ITGBL1: variants seen among roughly 807,000 people sequenced by gnomAD.
ITGBL1 encodes integrin subunit beta like 1, also known as integrin beta-like protein 1.
Under a neutral mutation model 68.5 loss-of-function variants are expected in ITGBL1, and 51 were observed. The ratio of observed to expected loss-of-function variants is 0.74; its 90% confidence interval spans 0.59 to 0.94. The LOEUF is 0.94. Ranked by LOEUF, ITGBL1 falls within the 40% of genes least tolerant of loss-of-function variation. The pLI, the probability that ITGBL1 is intolerant of heterozygous loss-of-function variation, is 0.00. For synonymous variants in ITGBL1, 209 were observed against 227.3 expected (o/e 0.92, Z 0.72); for missense variants, 649 against 647.4 (o/e 1.00, Z -0.03).
In ITGBL1 at chr13:101,637,436, T is replaced by C. The variant is rs528945341; in HGVS notation, c.1015+39137T>C. Among the ~76,000 whole-genome samples the C allele has an allele frequency of 4.7e-5, 7 of 149,564 alleles. No homozygotes were observed. In the East Asian group the frequency reaches 6.0e-4, roughly 13 times the overall value. On this transcript the variant is annotated intron_variant, in intron 7 of 10. Coordinates refer to ENST00000376180, the MANE Select transcript of ITGBL1 (RefSeq NM_004791.3). ...TGGGCTCACTGCAACCACCGCCTCC[T>C]GGGTTCAAGCCATTCTCCTGCCTCA...
intron 2 of ITGBL1, among the ~76,000 whole-genome samples, chr13:101,472,636 C>T (rs2048478455): frequency 6.6e-6 from 1 of 152,094 alleles, no homozygotes; most frequent in Non-Finnish European, 1.5e-5. Context: ...AGCTCTCACA[C>T]AGGCATTGGG....
intron 2 of ITGBL1, among the ~76,000 whole-genome samples, chr13:101,484,313 T>G (rs546419104): frequency 2.8e-4 from 42 of 152,288 alleles, no homozygotes; most frequent in Admixed American, 1.7e-3. Flanking sequence ...TAATGATTTC[T>G]GGTTTCAAAT....
chr13:101,475,312 A>G (rs1298457489), intron 2 of ITGBL1, among the ~76,000 whole-genome samples: 2 of 152,202 alleles, frequency 1.3e-5, no homozygotes, highest in Non-Finnish European at 2.9e-5. Context: ...ATGCATCAGT[A>G]TCTATCAACC....
chr13:101,479,167 G>T (rs115860514), intron 2 of ITGBL1, among the ~76,000 whole-genome samples: 1 of 147,214 alleles, frequency 6.8e-6, no homozygotes, highest in Non-Finnish European at 1.5e-5. Context: ...CATCTACAGT[G>T]ACCTCATTTT....
intron 7 of ITGBL1, among the ~76,000 whole-genome samples, chr13:101,636,200 A>G (rs1175308356): frequency 6.6e-6 from 1 of 152,136 alleles, no homozygotes; most frequent in Non-Finnish European, 1.5e-5. Context: ...TCAGAATAGA[A>G]GAGTGTTTAA....
chr13:101,590,895 T>C (rs770097661), intron 6 of ITGBL1, among the ~76,000 whole-genome samples: 35 of 152,110 alleles, frequency 2.3e-4, no homozygotes, highest in Non-Finnish European at 4.3e-4. Context: ...TAAAGAAAGA[T>C]AGGAACTTCT....
chr13:101,604,887 T>TATATACACACACACAC lies in ITGBL1; in HGVS notation c.1015+6589_1015+6590insTATACACACACACACA. Among the ~76,000 whole-genome samples, 115 of 22,134 alleles carry TATATACACACACACAC rather than the reference T, an allele frequency of 5.2e-3. 2 individuals are homozygous for TATATACACACACACAC. The highest frequency in any genetic ancestry group is 0.083 in the Middle Eastern group (1 of 12). The allele number at this position is 22,134 out of a possible 152,430, so 14.5% of individuals were successfully genotyped here. ...ATATATATATATATATATATATATA[T>TATATACACACACACAC]ACACACACACACACATATATATGTG... is the stretch of plus-strand genomic sequence containing the variant. On this transcript the variant is annotated intron_variant, in intron 7 of 10. Transcript: ENST00000376180.
In ITGBL1 at chr13:101,607,366, C is replaced by A. The variant is rs185925609; in HGVS notation, c.1015+9067C>A. Among the ~76,000 whole-genome samples the A allele has an allele frequency of 1.4e-3, 219 of 152,030 alleles. 1 individual carries two copies. Among genetic ancestry groups the A allele is most frequent in the African/African-American group, 5.1e-3 (210 of 41,504 alleles). On this transcript the variant is annotated intron_variant, in intron 7 of 10. Coordinates refer to ENST00000376180, the MANE Select transcript of ITGBL1 (RefSeq NM_004791.3). ...ATAACTTACAGGTTCTTGTTACATG[C>A]CAATTTATTGGACAATATATATTAA...
At chr13:101,629,406 A>G (rs2139405008) in intron 7 of ITGBL1, among the ~76,000 whole-genome samples, 1 of 152,246 alleles carries the variant, frequency 6.6e-6, no homozygotes, top group Non-Finnish European at 1.5e-5. Flanking sequence ...TATAAAATAC[A>G]CTGCATACAG....
intron 7 of ITGBL1, among the ~76,000 whole-genome samples, chr13:101,656,779 G>A (rs764726110): frequency 5.3e-5 from 8 of 151,856 alleles, no homozygotes; most frequent in East Asian, 3.9e-4. Flanking sequence ...GTAATACATC[G>A]ATTGCAGCTC....
chr13:101,537,426 G>A (rs550445506), intron 2 of ITGBL1, among the ~76,000 whole-genome samples: 1 of 152,066 alleles, frequency 6.6e-6, no homozygotes, highest in South Asian at 2.1e-4. Context: ...ACATTTCAAA[G>A]GAAGGCTTTG....
chr13:101,698,579 A>AGACT (rs1387591411), intron 8 of ITGBL1, among the ~76,000 whole-genome samples: 1 of 152,246 alleles, frequency 6.6e-6, no homozygotes, highest in Non-Finnish European at 1.5e-5. Flanking sequence ...CAATCATCAT[A>AGACT]GACTGTCTGT....
chr13:101,521,755 C>A (rs1374431170), intron 2 of ITGBL1, among the ~76,000 whole-genome samples: 1 of 152,176 alleles, frequency 6.6e-6, no homozygotes, highest in African/African-American at 2.4e-5. Flanking sequence ...CATTTACAAT[C>A]CGCACAAGTA....
chr13:101,591,833 A>G (rs1561118), intron 6 of ITGBL1, among the ~76,000 whole-genome samples: 151,641 of 152,312 alleles, frequency 1, 75,487 homozygotes, highest in Middle Eastern at 1. Context: ...ACTTTGTTCT[A>G]TATCTGCGGT....
At chr13:101,461,278 G>A (rs537647863) in intron 2 of ITGBL1, among the ~76,000 whole-genome samples, 4 of 152,138 alleles carry the variant, frequency 2.6e-5, no homozygotes, top group African/African-American at 7.2e-5. Context: ...AACTGACATC[G>A]CATGTTCTTG....
At chr13:101,695,115 C>T (rs1211452616) in intron 8 of ITGBL1, among the ~76,000 whole-genome samples, 2 of 152,080 alleles carry the variant, frequency 1.3e-5, no homozygotes, top group African/African-American at 2.4e-5. Flanking sequence ...ATATACATAA[C>T]GGGGATTTAA....
chr13:101,493,683 A>G (rs1010788823), intron 2 of ITGBL1, among the ~76,000 whole-genome samples: 3 of 152,188 alleles, frequency 2.0e-5, no homozygotes, highest in Admixed American at 2.0e-4. Flanking sequence ...GCCTGATGAC[A>G]AAATGTCCTT....
chr13:101,589,064 T>C (rs997015759), intron 6 of ITGBL1, among the ~76,000 whole-genome samples: 10 of 152,226 alleles, frequency 6.6e-5, no homozygotes, highest in African/African-American at 1.9e-4. Flanking sequence ...TCTAATATTC[T>C]AAAATATATT....
At chr13:101,487,876 A>G (rs2048722547) in intron 2 of ITGBL1, among the ~76,000 whole-genome samples, 1 of 152,192 alleles carries the variant, frequency 6.6e-6, no homozygotes, top group Non-Finnish European at 1.5e-5. Flanking sequence ...TAATCTTCCT[A>G]ACTCAAATGA....
Sources: gnomAD v4.1 joint callset for allele counts (sites outside exome capture counted in the v4.1 genomes callset) on GRCh38, gnomAD v4.1.1 for gene constraint, MANE v1.5 for transcripts, NCBI Gene and HGNC (gene_info 2026-07-23, HGNC 2026-07-21) for gene names.